SUSD6: variants seen among roughly 807,000 people sequenced by gnomAD.
SUSD6 encodes the protein sushi domain containing 6, also known as sushi domain-containing protein 6.
Under a neutral mutation model 28.4 loss-of-function variants are expected in SUSD6, and 16 were observed. The ratio of observed to expected loss-of-function variants is 0.56; its 90% CI spans 0.38 to 0.86. SUSD6 has a LOEUF of 0.86. Ranked by LOEUF, SUSD6 falls within the 40% of genes least tolerant of loss-of-function variation. SUSD6 has a pLI of 0.00. For missense variants in SUSD6, 341 were observed against 384.2 expected (o/e 0.89, Z 0.94); for synonymous variants, 147 against 159.6 (o/e 0.92, Z 0.59).
At chr14:69,654,761 T>C (rs114652103) in intron 1 of SUSD6, among the ~76,000 whole-genome samples, 1,963 of 150,598 alleles carry the variant, frequency 0.013, 42 homozygotes, top group African/African-American at 0.045. Flanking sequence ...CGACCATTAG[T>C]TACCAATTTC....
Position 69,709,205 on chromosome 14 carries a change from C to CA in SUSD6, c.886+109dup, listed in dbSNP as rs961859841. Reference sequence around the variant, plus strand: ...TTCTAAATAATTGGTATATTTTTAGCAAAAAAAAGATAGTACCTGGGGTAT... The same window carrying CA: ...TTCTAAATAATTGGTATATTTTTAGCAAAAAAAAAGATAGTACCTGGGGTAT... On this transcript the variant is annotated intron_variant, in intron 5 of 5. Coordinates refer to ENST00000342745, the MANE Select transcript of SUSD6 (RefSeq NM_014734.4). 8.1e-5 allele frequency: 91 copies of CA among 1,129,504 alleles called. 1 individual carries two copies. Among genetic ancestry groups the CA allele is most frequent in the South Asian group, 3.0e-4 (18 of 60,986 alleles). The allele number at this position is 1,129,504 out of a possible 1,614,324, so 70.0% of individuals were successfully genotyped here.
At position 69,710,979 on chromosome 14, in the gene SUSD6, AG is replaced by A; in HGVS notation, c.*3del. 6 of 1,614,010 alleles carry A rather than the reference AG, an allele frequency of 3.7e-6. No homozygotes were observed. Among genetic ancestry groups the A allele is most frequent in the Non-Finnish European group, 5.1e-6 (6 of 1,179,936 alleles). On this transcript the variant is annotated 3_prime_UTR_variant, in exon 6 of 6. Coordinates refer to ENST00000342745, the MANE Select transcript of SUSD6 (RefSeq NM_014734.4). ...ATATTCCACTGTTGAAAGAAGCATG[AG>A]GGCAGCGGCCAGCCTTTCCTCTCTG...
chr14:69,663,782 T>C (rs1434318985), intron 2 of SUSD6, among the ~76,000 whole-genome samples: 1 of 152,192 alleles, frequency 6.6e-6, no homozygotes, highest in Non-Finnish European at 1.5e-5. Context: ...TATGGTCTTT[T>C]CTGGGAGCCA....
intron 2 of SUSD6, among the ~76,000 whole-genome samples, chr14:69,673,289 G>A (rs1336933762): frequency 1.3e-5 from 2 of 152,158 alleles, no homozygotes; most frequent in South Asian, 2.1e-4. Flanking sequence ...AGAGTTTCTG[G>A]TTCAGTAGGT....
intron 2 of SUSD6, among the ~76,000 whole-genome samples, chr14:69,685,004 C>G (rs1435342474): frequency 1.3e-5 from 2 of 152,216 alleles, no homozygotes; most frequent in African/African-American, 2.4e-5. Context: ...AGCAGGGTGG[C>G]CCTTAAACAG....
chr14:69,713,166 C>T lies in SUSD6; in HGVS notation c.*2187C>T, dbSNP rs1215454333. On this transcript the variant is annotated 3_prime_UTR_variant, in exon 6 of 6. Transcript: ENST00000342745. ...CTTGTTACTCTGGGGTTTTGTCCCCCTAAGAGATTGCACTTTTTGTTTGGG... is the reference window on the plus strand; with the variant it reads ...CTTGTTACTCTGGGGTTTTGTCCCCTTAAGAGATTGCACTTTTTGTTTGGG... 1 of 152,210 alleles carries T rather than the reference C, an allele frequency of 6.6e-6. No individual in the cohort carries two copies. The highest frequency in any genetic ancestry group is 2.4e-5 in the African/African-American group (1 of 41,446). The allele number at this position is 152,210 out of a possible 1,614,324, so 9.4% of individuals were successfully genotyped here.
chr14:69,653,031 A>G (rs1405121849), intron 1 of SUSD6, among the ~76,000 whole-genome samples: 2 of 152,228 alleles, frequency 1.3e-5, no homozygotes, highest in African/African-American at 2.4e-5. Context: ...AAAGCAAGTA[A>G]CAGCCCCATT....
chr14:69,647,646 C>G (rs1279812626), intron 1 of SUSD6, among the ~76,000 whole-genome samples: 1 of 151,644 alleles, frequency 6.6e-6, no homozygotes, highest in Non-Finnish European at 1.5e-5. Context: ...GCTGTCCAAC[C>G]CCCTGGAAAA....
At chr14:69,706,014 C>G (rs1886382035) in intron 4 of SUSD6, among the ~76,000 whole-genome samples, 2 of 152,172 alleles carry the variant, frequency 1.3e-5, no homozygotes. Flanking sequence ...CATAAAGGGC[C>G]AAAGTAAACT....
chr14:69,632,489 C>T (rs976636148), intron 1 of SUSD6, among the ~76,000 whole-genome samples: 5 of 152,136 alleles, frequency 3.3e-5, no homozygotes, highest in Admixed American at 6.5e-5. Context: ...TTCTCTTCTT[C>T]CCAGAGTAAG....
intron 2 of SUSD6, among the ~76,000 whole-genome samples, chr14:69,664,080 G>A (rs1484773541): frequency 4.0e-5 from 6 of 151,584 alleles, no homozygotes; most frequent in South Asian, 2.1e-4. Flanking sequence ...CCAGGTTCAC[G>A]CCATTCTTCT....
rs963828174 is a variant in SUSD6 at position 69,713,827 on chromosome 14, T to G, written c.*2848T>G. On this transcript the variant is annotated 3_prime_UTR_variant, in exon 6 of 6. Transcript: ENST00000342745. ...TTTGGGTTTTTTTGTTTGTTTGTTGTTGGTGTTTGTTTTTTTTTTTTTTTT... is the reference window on the plus strand; with the variant it reads ...TTTGGGTTTTTTTGTTTGTTTGTTGGTGGTGTTTGTTTTTTTTTTTTTTTT... The G allele has an allele frequency of 1.4e-5, 2 of 148,022 alleles. No individual in the cohort carries two copies. Among genetic ancestry groups the G allele is most frequent in the Admixed American group, 6.7e-5 (1 of 14,864 alleles). The allele number at this position is 148,022 out of a possible 1,614,324, so 9.2% of individuals were successfully genotyped here.
At chr14:69,622,783 G>A (rs1037446713) in intron 1 of SUSD6, among the ~76,000 whole-genome samples, 11 of 152,088 alleles carry the variant, frequency 7.2e-5, no homozygotes, top group African/African-American at 2.7e-4. Context: ...TAGTAGAGAT[G>A]AAGTTTCACT....
intron 1 of SUSD6, among the ~76,000 whole-genome samples, chr14:69,650,631 CT>C (rs2139608790): frequency 6.6e-6 from 1 of 152,304 alleles, no homozygotes; most frequent in African/African-American, 2.4e-5. Context: ...CTCACAGGCA[CT>C]TTGCCTCCTC....
At chr14:69,642,487 T>C (rs1885366748) in intron 1 of SUSD6, among the ~76,000 whole-genome samples, 1 of 152,136 alleles carries the variant, frequency 6.6e-6, no homozygotes, top group Non-Finnish European at 1.5e-5. Context: ...CTCAGAATCA[T>C]GGCAGGAAGT....
chr14:69,670,034 C>A (rs1337496897), intron 2 of SUSD6, among the ~76,000 whole-genome samples: 1 of 152,210 alleles, frequency 6.6e-6, no homozygotes, highest in Non-Finnish European at 1.5e-5. Context: ...GACCTTGCTC[C>A]AAACCCTAAT....
chr14:69,654,160 A>C lies in SUSD6; in HGVS notation c.-80-4353A>C, dbSNP rs184073915. On this transcript the variant is annotated intron_variant, in intron 1 of 5. Transcript: ENST00000342745. ...CTATTCCTGCAAAGCAAAACCAAAA[A>C]CAAACAAAAAACCTAAAACTGATCA... Among the ~76,000 whole-genome samples the C allele has an allele frequency of 1.4e-3, 208 of 152,328 alleles. 1 individual carries two copies. Among genetic ancestry groups the C allele is most frequent in the Non-Finnish European group, 1.3e-3 (90 of 68,040 alleles).
chr14:69,676,615 G>A (rs925722046), intron 2 of SUSD6, among the ~76,000 whole-genome samples: 1 of 152,188 alleles, frequency 6.6e-6, no homozygotes, highest in African/African-American at 2.4e-5. Flanking sequence ...GGTGGGTCTT[G>A]AACTCTTAGG....
At chr14:69,680,726 G>C (rs1298127605) in intron 2 of SUSD6, among the ~76,000 whole-genome samples, 1 of 152,068 alleles carries the variant, frequency 6.6e-6, no homozygotes, top group Non-Finnish European at 1.5e-5. Flanking sequence ...TGCCCCCAAA[G>C]CCTTGCTTAT....
Sources: gnomAD v4.1 joint callset for allele counts (sites outside exome capture counted in the v4.1 genomes callset) on GRCh38, gnomAD v4.1.1 for gene constraint, MANE v1.5 for transcripts, NCBI Gene and HGNC (gene_info 2026-07-23, HGNC 2026-07-21) for gene names.